Variants in ISOC1 observed in about 807,000 individuals in gnomAD.
ISOC1 encodes isochorismatase domain containing 1, also known as isochorismatase domain-containing protein 1.
ISOC1 carries 33 observed loss-of-function variants against 30.0 expected under a neutral mutation model. The observed-to-expected ratio is 1.10, with a 90% CI of 0.83 to 1.47. The LOEUF (loss-of-function observed/expected upper bound fraction) is 1.47, where lower values mean the gene tolerates loss of function less well. Among genes scored for constraint, ISOC1 ranks in the 40% most tolerant of loss-of-function variants. The pLI is 0.00. For missense variants in ISOC1, 372 were observed against 388.0 expected (o/e 0.96, Z 0.35); for synonymous variants, 178 against 159.8 (o/e 1.11, Z -0.86).
chr5:129,109,786 A>AT (rs1561423863), intron 4 of ISOC1, among the ~76,000 whole-genome samples: 1 of 152,202 alleles, frequency 6.6e-6, no homozygotes, highest in Non-Finnish European at 1.5e-5. Context: ...GTTTGTTTCC[A>AT]TAAGTGTGAA....
intron 4 of ISOC1, among the ~76,000 whole-genome samples, chr5:129,111,121 T>C (rs1235977588): frequency 6.6e-6 from 1 of 152,016 alleles, no homozygotes; most frequent in African/African-American, 2.4e-5. Context: ...GGTTTTGATA[T>C]GATTAATCAG....
chr5:129,098,677 A>G (rs910915493), intron 1 of ISOC1, among the ~76,000 whole-genome samples: 11 of 152,210 alleles, frequency 7.2e-5, no homozygotes, highest in African/African-American at 2.7e-4. Context: ...ACTTCTGTAC[A>G]TAGCAGGGAA....
intron 1 of ISOC1, among the ~76,000 whole-genome samples, chr5:129,101,192 A>AAATATATAT (rs1554064627): frequency 4.0e-4 from 17 of 42,230 alleles, no homozygotes; most frequent in Non-Finnish European, 5.0e-4. Flanking sequence ...AAAAAAAAAA[A>AAATATATAT]ATATATATAT....
chr5:129,112,835 C>T lies in ISOC1; in HGVS notation c.751-20C>T, dbSNP rs761658836. On this transcript the variant is annotated intron_variant, in intron 4 of 4. Coordinates refer to ENST00000173527, the MANE Select transcript of ISOC1 (RefSeq NM_016048.2). Reference sequence around the variant, plus strand: ...ATTCTCATGCTTATTTCTTGATTTGCCTTTATCTTTTTGTTCAAGCGTCTC... The same window carrying T: ...ATTCTCATGCTTATTTCTTGATTTGTCTTTATCTTTTTGTTCAAGCGTCTC... 1.9e-6 allele frequency: 3 copies of T among 1,607,346 alleles called. No homozygotes were observed. In the South Asian group the frequency reaches 3.3e-5, roughly 18 times the overall value.
At chr5:129,100,065 A>G (rs933419741) in intron 1 of ISOC1, among the ~76,000 whole-genome samples, 4 of 152,134 alleles carry the variant, frequency 2.6e-5, no homozygotes, top group African/African-American at 7.2e-5. Flanking sequence ...AGGCCTTACT[A>G]TAGCTGTGGT....
chr5:129,105,031 G>C lies in ISOC1; in HGVS notation c.385G>C (p.Ala129Pro), dbSNP rs1296193380. The change falls in exon 2 of 5, where the codon GCC (alanine) becomes CCC (proline). Residue 129 changes from alanine (A) to proline (P), a missense_variant. By Grantham distance (27) the Ala-to-Pro change is conservative (BLOSUM62 -1). Coordinates refer to ENST00000173527, the MANE Select transcript of ISOC1 (RefSeq NM_016048.2). ...CCDMQERFRP[A>P]IKYFGDIISV... The stretch of plus-strand genomic sequence containing the variant: ...TGATATGCAGGAAAGGTTCAGACCA[G>C]CCATCAAGTATTTTGGGGATATTAT... 1 of 1,613,844 alleles carries C rather than the reference G, an allele frequency of 6.2e-7. No individual in the cohort carries two copies. Among genetic ancestry groups the C allele is most frequent in the South Asian group, 1.1e-5 (1 of 91,080 alleles).
At chr5:129,111,913 T>G in intron 4 of ISOC1, among the ~76,000 whole-genome samples, 1 of 152,196 alleles carries the variant, frequency 6.6e-6, no homozygotes, top group Non-Finnish European at 1.5e-5. Context: ...TTTAGTGGTA[T>G]TAAAATGTTC....
Position 129,106,986 on chromosome 5 carries a change from G to C in ISOC1, c.674G>C (p.Gly225Ala). Residue 225 changes from glycine to alanine, a missense_variant, in exon 4 of 5, where the codon GGC becomes GCC. By Grantham distance (60) the Gly-to-Ala change is moderately conservative (BLOSUM62 0). Transcript: ENST00000173527. ...CIQQTALELV[G>A]RGVEVHIVAD... Reference sequence around the variant, plus strand: ...CAACAAACTGCCCTGGAGCTAGTTGGCCGAGGAGTCGAGGTTCACATTGTT... The same window carrying C: ...CAACAAACTGCCCTGGAGCTAGTTGCCCGAGGAGTCGAGGTTCACATTGTT... 6.2e-7 allele frequency: 1 copy of C among 1,613,780 alleles called. No individual in the cohort carries two copies. Among genetic ancestry groups the C allele is most frequent in the Non-Finnish European group, 8.5e-7 (1 of 1,179,800 alleles).
chr5:129,102,907 G>A (rs1350539958), intron 1 of ISOC1, among the ~76,000 whole-genome samples: 2 of 152,188 alleles, frequency 1.3e-5, no homozygotes, highest in African/African-American at 2.4e-5. Flanking sequence ...GTATAAAATA[G>A]GATCTGAGAG....
At chr5:129,096,061 T>C (rs1561420469) in intron 1 of ISOC1, among the ~76,000 whole-genome samples, 1 of 152,234 alleles carries the variant, frequency 6.6e-6, no homozygotes, top group Non-Finnish European at 1.5e-5. Context: ...TTCTTTCTTT[T>C]TTGTTTTTAG....
At position 129,113,051 on chromosome 5, in the gene ISOC1, A is replaced by T; in HGVS notation, c.*50A>T. 1 of 1,508,142 alleles carries T rather than the reference A, an allele frequency of 6.6e-7. No homozygotes were observed. The highest frequency in any genetic ancestry group is 9.0e-7 in the Non-Finnish European group (1 of 1,106,228). The allele number at this position is 1,508,142 out of a possible 1,614,324, so 93.4% of individuals were successfully genotyped here. On this transcript the variant is annotated 3_prime_UTR_variant, in exon 5 of 5. Coordinates refer to ENST00000173527, the MANE Select transcript of ISOC1 (RefSeq NM_016048.2). ...CTCACTGGTGAAGGACAGTCAGGTG[A>T]AGGACTGTAAGCCCACACAAGCTCT...
chr5:129,105,905 T>C (rs183140447), intron 3 of ISOC1, among the ~76,000 whole-genome samples: 1 of 152,286 alleles, frequency 6.6e-6, no homozygotes, highest in African/African-American at 2.4e-5. Flanking sequence ...TTCCTAGCTT[T>C]TAAACAACTA....
At chr5:129,112,265 G>C (rs1473971594) in intron 4 of ISOC1, among the ~76,000 whole-genome samples, 1 of 152,116 alleles carries the variant, frequency 6.6e-6, no homozygotes, top group African/African-American at 2.4e-5. Context: ...CAAAATGCCA[G>C]GGGTGCCAGG....
chr5:129,110,307 G>T (rs1753689783), intron 4 of ISOC1, among the ~76,000 whole-genome samples: 1 of 152,142 alleles, frequency 6.6e-6, no homozygotes, highest in Non-Finnish European at 1.5e-5. Flanking sequence ...AGTTTTAACT[G>T]CCCCTTTTTA....
intron 4 of ISOC1, among the ~76,000 whole-genome samples, chr5:129,110,047 G>C (rs1753685934): frequency 6.6e-6 from 1 of 152,192 alleles, no homozygotes; most frequent in Non-Finnish European, 1.5e-5. Context: ...AAGAATAAGA[G>C]AATAAAATCC....
At chr5:129,107,339 C>A (rs116817504) in intron 4 of ISOC1, among the ~76,000 whole-genome samples, 2 of 152,066 alleles carry the variant, frequency 1.3e-5, no homozygotes, top group Non-Finnish European at 2.9e-5. Context: ...TATACGTGAA[C>A]TAGGAGATAT....
chr5:129,099,439 G>A (rs1341976673), intron 1 of ISOC1, among the ~76,000 whole-genome samples: 1 of 152,144 alleles, frequency 6.6e-6, no homozygotes, highest in Admixed American at 6.5e-5. Flanking sequence ...TGACATCAAT[G>A]TTCACAATAG....
intron 4 of ISOC1, among the ~76,000 whole-genome samples, chr5:129,110,090 G>A (rs1753686629): frequency 6.6e-6 from 1 of 152,132 alleles, no homozygotes; most frequent in African/African-American, 2.4e-5. Flanking sequence ...TACTTCCGGG[G>A]AGTTTTAGTG....
At chr5:129,096,207 A>G (rs1561420507) in intron 1 of ISOC1, among the ~76,000 whole-genome samples, 2 of 152,172 alleles carry the variant, frequency 1.3e-5, no homozygotes. Flanking sequence ...TCTTTGTTCC[A>G]AATTCATTTT....
Sources: allele counts gnomAD v4.1 joint callset (sites outside exome capture counted in the v4.1 genomes callset), GRCh38; gene constraint gnomAD v4.1.1; transcripts MANE v1.5; gene names NCBI Gene and HGNC (gene_info 2026-07-23, HGNC 2026-07-21).